Variants in GRIA2 observed in about 807,000 individuals in gnomAD.
The protein encoded by GRIA2 is glutamate ionotropic receptor AMPA type subunit 2, also known as glutamate receptor 2.
In GRIA2, 14 loss-of-function variants were observed where a neutral mutation model predicts 97.3. The ratio of observed to expected loss-of-function variants is 0.14; its 90% CI spans 0.10 to 0.23. The LOEUF is 0.23. Among genes scored for constraint, GRIA2 ranks in the 10% least tolerant of loss-of-function variants. The pLI, the probability that GRIA2 is intolerant of heterozygous loss-of-function variation, is 1.00. For synonymous variants in GRIA2, 412 were observed against 387.8 expected, an observed-to-expected ratio of 1.06 and a Z score of -0.73; for missense variants, 558 against 1,069.8, an observed-to-expected ratio of 0.52 and a Z score of 6.67.
At chr4:157,228,423 A>C (rs894566334) in intron 2 of GRIA2, among the ~76,000 whole-genome samples, 2 of 152,222 alleles carry the variant, frequency 1.3e-5, no homozygotes, top group Non-Finnish European at 2.9e-5. Flanking sequence ...GATGTATGTT[A>C]AAATGATATG....
At chr4:157,319,859 G>C (rs569751878) in intron 5 of GRIA2, among the ~76,000 whole-genome samples, 1 of 152,154 alleles carries the variant, frequency 6.6e-6, no homozygotes, top group Non-Finnish European at 1.5e-5. Context: ...ACTGAAAAGG[G>C]TAACTTGTAA....
chr4:157,287,014 T>C (rs1732877006), intron 2 of GRIA2, among the ~76,000 whole-genome samples: 1 of 151,652 alleles, frequency 6.6e-6, no homozygotes, highest in Admixed American at 6.6e-5. Context: ...TTCAGCCTTC[T>C]CTTTAAATTA....
intron 2 of GRIA2, among the ~76,000 whole-genome samples, chr4:157,260,328 TAATC>T (rs1226168453): frequency 6.6e-6 from 1 of 152,110 alleles, no homozygotes; most frequent in Non-Finnish European, 1.5e-5. Flanking sequence ...AACTGTGGCT[TAATC>T]AATATAAAGC....
intron 2 of GRIA2, among the ~76,000 whole-genome samples, chr4:157,236,061 G>T (rs1243568510): frequency 2.0e-5 from 3 of 151,864 alleles, no homozygotes; most frequent in African/African-American, 7.3e-5. Context: ...AGAAAATCAT[G>T]ATTATCTGAA....
Position 157,252,777 on chromosome 4 carries a change from G to C in GRIA2, c.229+30970G>C, listed in dbSNP as rs537915703. Among the ~76,000 whole-genome samples the C allele has an allele frequency of 5.9e-5, 9 of 152,116 alleles. No individual in the cohort carries two copies. The East Asian group carries it at 1.7e-3, about 30-fold the overall frequency. On this transcript the variant is annotated intron_variant, in intron 2 of 15. Transcript: ENST00000264426. ...TATGGGTTTAGAAATTCACATTATA[G>C]ATAACCCTTAAGACACTATCATTTG...
chr4:157,243,070 A>C (rs1438716534), intron 2 of GRIA2, among the ~76,000 whole-genome samples: 1 of 152,094 alleles, frequency 6.6e-6, no homozygotes, highest in Non-Finnish European at 1.5e-5. Context: ...TACAGTATGA[A>C]AGCTGACACA....
intron 2 of GRIA2, among the ~76,000 whole-genome samples, chr4:157,291,417 T>C (rs1437771022): frequency 1.3e-5 from 2 of 152,014 alleles, no homozygotes; most frequent in Admixed American, 6.6e-5. Context: ...ATTGATGTTA[T>C]GTAACTTGCA....
chr4:157,310,133 C>A (rs1203906717), intron 3 of GRIA2, among the ~76,000 whole-genome samples: 1 of 152,018 alleles, frequency 6.6e-6, no homozygotes, highest in Non-Finnish European at 1.5e-5. Flanking sequence ...ACCAGCTGTG[C>A]GTGTTCTGTC....
intron 2 of GRIA2, among the ~76,000 whole-genome samples, chr4:157,254,548 T>C (rs1731157818): frequency 1.3e-5 from 2 of 151,884 alleles, no homozygotes; most frequent in Admixed American, 6.6e-5. Flanking sequence ...ATGAAAATGG[T>C]CAAGGTCAAG....
intron 2 of GRIA2, among the ~76,000 whole-genome samples, chr4:157,280,365 A>G (rs1376153010): frequency 6.6e-6 from 1 of 152,106 alleles, no homozygotes; most frequent in Non-Finnish European, 1.5e-5. Flanking sequence ...GCCCAGTGCA[A>G]CAATCATCAG....
chr4:157,276,260 T>A (rs1459565331), intron 2 of GRIA2, among the ~76,000 whole-genome samples: 1 of 152,094 alleles, frequency 6.6e-6, no homozygotes, highest in East Asian at 1.9e-4. Flanking sequence ...CCCAAATAGT[T>A]GTATATTAAA....
At chr4:157,239,467 A>G (rs1430814618) in intron 2 of GRIA2, among the ~76,000 whole-genome samples, 3 of 152,020 alleles carry the variant, frequency 2.0e-5, no homozygotes, top group South Asian at 2.1e-4. Flanking sequence ...GCCTCTGCCA[A>G]TTCTTCTAGT....
chr4:157,223,342 T>C (rs1397994830), intron 2 of GRIA2, among the ~76,000 whole-genome samples: 1 of 152,174 alleles, frequency 6.6e-6, no homozygotes, highest in Non-Finnish European at 1.5e-5. Context: ...ATATATTTTC[T>C]TCAAATGTTG....
chr4:157,340,294 GGTTA>G (rs1735491200), intron 11 of GRIA2, among the ~76,000 whole-genome samples: 1 of 151,826 alleles, frequency 6.6e-6, no homozygotes, highest in African/African-American at 2.4e-5. Flanking sequence ...ACAGAGAAAC[GGTTA>G]GTTTTATTGG....
chr4:157,318,514 C>T (rs1003131054), intron 5 of GRIA2, among the ~76,000 whole-genome samples: 5 of 151,980 alleles, frequency 3.3e-5, no homozygotes, highest in Middle Eastern at 3.4e-3. Context: ...TTCTCTGGGC[C>T]GTGGTCACTC....
chr4:157,312,686 A>AGC lies in GRIA2; in HGVS notation c.477_478insGC (p.Thr160AlafsTer17). The AGC allele has an allele frequency of 6.3e-7, 1 of 1,587,840 alleles. No individual in the cohort carries two copies. Among genetic ancestry groups the AGC allele is most frequent in the Non-Finnish European group, 8.6e-7 (1 of 1,165,354 alleles). ...TTTTCTTTGCCTTCCTAGGCTTATCAACACTGCAAGCTGTGCTGGATTCTG... is the reference window on the plus strand; with the variant it reads ...TTTTCTTTGCCTTCCTAGGCTTATCAGCACACTGCAAGCTGTGCTGGATTCTG... On this transcript the variant is annotated frameshift_variant, in exon 4 of 16. Coordinates refer to ENST00000264426, the MANE Select transcript of GRIA2 (RefSeq NM_001083619.3). LOFTEE classifies it high-confidence loss of function.
intron 9 of GRIA2, chr4:157,335,103 A>T (rs1395604659): frequency 6.4e-6 from 1 of 155,246 alleles, no homozygotes; most frequent in Non-Finnish European, 1.4e-5. Flanking sequence ...TCCTTGTAGC[A>T]TCATTCTAGG....
At chr4:157,235,686 T>G (rs1029816694) in intron 2 of GRIA2, among the ~76,000 whole-genome samples, 9 of 152,086 alleles carry the variant, frequency 5.9e-5, no homozygotes, top group African/African-American at 2.2e-4. Flanking sequence ...TTAAAAAGTT[T>G]CAATTTTTCG....
chr4:157,272,331 C>T (rs1020216829), intron 2 of GRIA2, among the ~76,000 whole-genome samples: 7 of 152,040 alleles, frequency 4.6e-5, no homozygotes, highest in African/African-American at 1.7e-4. Flanking sequence ...CTTGATCTAA[C>T]ACAGATGCGA....
Sources: allele counts gnomAD v4.1 joint callset (sites outside exome capture counted in the v4.1 genomes callset), GRCh38; gene constraint gnomAD v4.1.1; transcripts MANE v1.5; gene names NCBI Gene and HGNC (gene_info 2026-07-23, HGNC 2026-07-21).